The following TUSC3 variants were observed in gnomAD, a reference collection of about 807,000 sequenced individuals.
TUSC3 encodes the protein dolichyl-diphosphooligosaccharide--protein glycosyltransferase subunit TUSC3.
A neutral mutation model predicts 44.8 loss-of-function variants in TUSC3; 45 were observed. The ratio of observed to expected loss-of-function variants is 1.00; its 90% confidence interval spans 0.79 to 1.29. The LOEUF (loss-of-function observed/expected upper bound fraction) is 1.29, where lower values mean the gene tolerates loss of function less well. Ranked by LOEUF, TUSC3 falls within the 50% of genes most tolerant of loss-of-function variation. The pLI, the probability that TUSC3 is intolerant of heterozygous loss-of-function variation, is 0.00. For synonymous variants in TUSC3, 212 were observed against 152.9 expected (o/e 1.39, Z -2.85); for missense variants, 519 against 437.9 (o/e 1.19, Z -1.65).
At chr8:15,766,921 G>C (rs1455623684), downstream of TUSC3, among the ~76,000 whole-genome samples, 2 of 152,110 alleles carry the variant, frequency 1.3e-5, no homozygotes, top group Admixed American at 6.6e-5. Flanking sequence ...GAACACATTA[G>C]CTGGAGCATG....
chr8:15,780,029 C>G, the TUSC3 span, among the ~76,000 whole-genome samples: 2 of 152,100 alleles, frequency 1.3e-5, no homozygotes, highest in South Asian at 2.1e-4. Flanking sequence ...ATCCTCTTGC[C>G]TTACACCAAA....
rs761479891 is a variant in TUSC3, at chr8:15,726,990, T to C, written c.799-3676T>C. 4.6e-5 allele frequency among the ~76,000 whole-genome samples: 7 copies of C among 152,272 alleles called. No homozygotes were observed. In the South Asian group the frequency reaches 6.2e-4, roughly 14 times the overall value. ...AAAATGCATTGCCCTTAGTTAAATA[T>C]ATATTTTAGAATAAATTATCCTGAG... On this transcript the variant is annotated intron_variant, in intron 6 of 10. Transcript: ENST00000503731.
At chr8:15,631,703 TG>T (rs939148236) in intron 2 of TUSC3, among the ~76,000 whole-genome samples, 18 of 151,092 alleles carry the variant, frequency 1.2e-4, no homozygotes, top group African/African-American at 4.1e-4. Flanking sequence ...TGTGTGTGTG[TG>T]TGTGTTTTGT....
the TUSC3 span, among the ~76,000 whole-genome samples, chr8:15,835,760 T>G: frequency 6.6e-6 from 1 of 152,174 alleles, no homozygotes; most frequent in Non-Finnish European, 1.5e-5. Context: ...GTTGTGGGGT[T>G]TGGAGAAGAG....
intron 5 of TUSC3, among the ~76,000 whole-genome samples, chr8:15,673,538 C>T (rs1373222236): frequency 6.6e-6 from 1 of 151,964 alleles, no homozygotes; most frequent in African/African-American, 2.4e-5. Flanking sequence ...ACAGAGCTGG[C>T]ATACCAATTT....
intron 2 of TUSC3, among the ~76,000 whole-genome samples, chr8:15,637,379 T>C (rs190615447): frequency 4.8e-4 from 73 of 152,324 alleles, no homozygotes; most frequent in Non-Finnish European, 9.7e-4. Context: ...TTTTGCTTTT[T>C]TGAAACATAC....
At chr8:15,647,362 G>A (rs1806679000) in intron 2 of TUSC3, among the ~76,000 whole-genome samples, 1 of 152,098 alleles carries the variant, frequency 6.6e-6, no homozygotes, top group African/African-American at 2.4e-5. Context: ...TTAATAAGCT[G>A]CATATTTGAA....
intron 8 of TUSC3, among the ~76,000 whole-genome samples, chr8:15,744,895 C>T (rs1006138371): frequency 6.6e-6 from 1 of 152,002 alleles, no homozygotes; most frequent in Non-Finnish European, 1.5e-5. Flanking sequence ...AGGATCTCAT[C>T]ACCCAATAAT....
chr8:15,507,735 T>C (rs1487029200), intron 2 of TUSC3, among the ~76,000 whole-genome samples: 1 of 151,962 alleles, frequency 6.6e-6, no homozygotes, highest in Non-Finnish European at 1.5e-5. Context: ...ATTCAACTAA[T>C]AGAAGTCTTT....
intron 1 of TUSC3, among the ~76,000 whole-genome samples, chr8:15,433,180 C>G (rs1799898356): frequency 6.6e-6 from 1 of 151,706 alleles, no homozygotes; most frequent in Non-Finnish European, 1.5e-5. Flanking sequence ...ATTTTGGTAC[C>G]CAAGTAACTT....
At chr8:15,508,137 C>G (rs1172582971) in intron 2 of TUSC3, among the ~76,000 whole-genome samples, 2 of 151,976 alleles carry the variant, frequency 1.3e-5, no homozygotes, top group African/African-American at 4.8e-5. Flanking sequence ...TACTCAGGAA[C>G]GTGAGGCAGG....
chr8:15,473,453 G>T (rs1406843327), intron 1 of TUSC3, among the ~76,000 whole-genome samples: 2 of 152,142 alleles, frequency 1.3e-5, no homozygotes, highest in African/African-American at 4.8e-5. Flanking sequence ...TTGAAGTCTT[G>T]TTCCATTGTC....
chr8:15,463,279 G>A (rs1052568575), intron 1 of TUSC3, among the ~76,000 whole-genome samples: 2 of 152,058 alleles, frequency 1.3e-5, no homozygotes, highest in Admixed American at 1.3e-4. Context: ...AAAAATATAT[G>A]CTGTTATTTT....
intron 2 of TUSC3, among the ~76,000 whole-genome samples, chr8:15,519,949 G>C (rs1223379305): frequency 2.0e-5 from 3 of 152,140 alleles, no homozygotes; most frequent in Non-Finnish European, 4.4e-5. Context: ...GAGATTGGAG[G>C]GACCTATGGA....
At chr8:15,691,627 A>G (rs1454828905) in intron 6 of TUSC3, among the ~76,000 whole-genome samples, 2 of 152,150 alleles carry the variant, frequency 1.3e-5, no homozygotes, top group African/African-American at 2.4e-5. Context: ...CCCATTCACT[A>G]TGATGTTGGC....
downstream of TUSC3, among the ~76,000 whole-genome samples, chr8:15,769,746 A>G (rs1812408716): frequency 6.6e-6 from 1 of 152,162 alleles, no homozygotes; most frequent in South Asian, 2.1e-4. Flanking sequence ...ACCCCATCAA[A>G]AAGTGGGCAA....
chr8:15,447,471 TC>T (rs975149653), intron 1 of TUSC3, among the ~76,000 whole-genome samples: 31 of 152,232 alleles, frequency 2.0e-4, no homozygotes, highest in African/African-American at 7.5e-4. Context: ...TTAAAAAGTT[TC>T]CTAGGAAGAA....
rs1800957997 is a variant in TUSC3 at position 15,501,077 on chromosome 8, A to G, written n.189+17594A>G. 1.3e-5 allele frequency among the ~76,000 whole-genome samples: 2 copies of G among 152,178 alleles called. 1 individual carries two copies. The highest frequency in any genetic ancestry group is 4.1e-4 in the South Asian group (2 of 4,828). Reference sequence around the variant, plus strand: ...CAAGTCTAAGACAGACAGTTTATAAAAACTTAGGACACTGTAAACATTTGG... The same window carrying G: ...CAAGTCTAAGACAGACAGTTTATAAGAACTTAGGACACTGTAAACATTTGG... On this transcript the variant is annotated intron_variant and non_coding_transcript_variant, in intron 2 of 5. Transcript: ENST00000503191.
intron 8 of TUSC3, among the ~76,000 whole-genome samples, chr8:15,746,376 A>AACTT (rs1358747596): frequency 6.6e-6 from 1 of 152,076 alleles, no homozygotes; most frequent in Non-Finnish European, 1.5e-5. Context: ...CATATTTTAA[A>AACTT]ACTTTCAAAT....
Sources: gnomAD v4.1 joint callset for allele counts (sites outside exome capture counted in the v4.1 genomes callset) on GRCh38, gnomAD v4.1.1 for gene constraint, MANE v1.5 for transcripts, NCBI Gene and HGNC (gene_info 2026-07-23, HGNC 2026-07-21) for gene names.